TMC7: variants seen among roughly 807,000 people sequenced by gnomAD.
The protein encoded by TMC7 is transmembrane channel-like protein 7.
A neutral mutation model predicts 82.9 loss-of-function variants in TMC7; 54 were observed. That is an observed-to-expected ratio of 0.65 (90% CI 0.52 to 0.82). The LOEUF is 0.82. Ranked by LOEUF, TMC7 falls within the 40% of genes least tolerant of loss-of-function variation. The pLI is 0.00. For missense variants in TMC7, 820 were observed against 901.2 expected (o/e 0.91, Z 1.15); for synonymous variants, 350 against 337.9 (o/e 1.04, Z -0.39).
At chr16:19,047,301 C>T (rs1404928161) in intron 12 of TMC7, 52 bp downstream of exon 12, 1 of 1,545,484 alleles carries the variant, frequency 6.5e-7, no homozygotes, top group East Asian at 2.2e-5. Flanking sequence ...TTTCGACCTT[C>T]CAGGGCACCA....
At position 19,056,675 on chromosome 16, in the gene TMC7, G is replaced by A; in HGVS notation, c.2005G>A (p.Val669Ile). The stretch of plus-strand genomic sequence containing the variant: ...TGGTGTCACATCCGAAGCCTTTGCA[G>A]TTCCTTTCTTCATGATTATTTGGTG... ...IHGVTSEAFA[V>I]PFFMIICLIM... The change falls in exon 14 of 16, where the codon GTT becomes ATT. Residue 669 changes from valine (V) to isoleucine (I), a missense_variant. By Grantham distance (29) the Val-to-Ile change is conservative (BLOSUM62 3). Around this residue, in one of 2 missense-constraint regions of TMC7, gnomAD observed 170 missense variants for 231.3 expected, o/e 0.74. Coordinates refer to ENST00000304381, the MANE Select transcript of TMC7 (RefSeq NM_024847.4). 6.2e-7 allele frequency: 1 copy of A among 1,614,020 alleles called. No individual in the cohort carries two copies.
chr16:19,044,972 C>G lies in TMC7; in HGVS notation c.1426C>G (p.Leu476Val). 1.2e-6 allele frequency: 2 copies of G among 1,613,940 alleles called. No homozygotes were observed. Among genetic ancestry groups the G allele is most frequent in the Non-Finnish European group, 1.7e-6 (2 of 1,179,984 alleles). The change falls in exon 10 of 16, where the codon CTT becomes GTT. Residue 476 changes from leucine (L) to valine (V), a missense_variant. This residue lies in a region of TMC7 where 650 missense variants were observed against 669.9 expected (regional missense o/e 0.97). Transcript: ENST00000304381. ...ITSCDDDTCD[L>V]CGYNQKLYPC... ...ATCCTGTGATGATGACACATGTGAC[C>G]TTTGCGGCTACAACCAGAAACTCTA...
chr16:19,038,318 C>T (rs1161667799), intron 8 of TMC7, among the ~76,000 whole-genome samples: 2 of 152,106 alleles, frequency 1.3e-5, no homozygotes, highest in Non-Finnish European at 2.9e-5. Flanking sequence ...GCCTCAGCCT[C>T]CCGAGTAGCT....
At chr16:18,985,527 T>A (rs1321804524) in intron 1 of TMC7, among the ~76,000 whole-genome samples, 1 of 152,170 alleles carries the variant, frequency 6.6e-6, no homozygotes, top group African/African-American at 2.4e-5. Flanking sequence ...CTTATTTTAG[T>A]GGAATCCATT....
intron 7 of TMC7, among the ~76,000 whole-genome samples, chr16:19,037,271 C>G (rs890476394): frequency 6.6e-6 from 1 of 150,952 alleles, no homozygotes; most frequent in Admixed American, 6.6e-5. Flanking sequence ...GCCTGTAATC[C>G]TAGCTTCTCG....
chr16:19,036,623 A>G (rs1447228771), intron 7 of TMC7, among the ~76,000 whole-genome samples: 1 of 152,124 alleles, frequency 6.6e-6, no homozygotes, highest in Non-Finnish European at 1.5e-5. Flanking sequence ...GTCTGAGGCA[A>G]GAGAATCAAT....
intron 1 of TMC7, among the ~76,000 whole-genome samples, chr16:18,987,547 C>T (rs899233466): frequency 3.4e-4 from 52 of 152,170 alleles, no homozygotes; most frequent in African/African-American, 1.2e-3. Flanking sequence ...ATCAAGTGAT[C>T]CGCCCACCTC....
Position 19,037,938 on chromosome 16 carries a change from G to A in TMC7, c.1070G>A (p.Arg357His), listed in dbSNP as rs767590084. The A allele has an allele frequency of 1.9e-5, 30 of 1,613,830 alleles. No homozygotes were observed. Among genetic ancestry groups the A allele is most frequent in the Admixed American group, 8.3e-5 (5 of 59,972 alleles). ...GAAAGGACCTCAGAAGAAACAATACGCATTTACTCTTTGAGACTGTTTTTG... is the reference window on the plus strand; with the variant it reads ...GAAAGGACCTCAGAAGAAACAATACACATTTACTCTTTGAGACTGTTTTTG... ...IAERTSEETI[R>H]IYSLRLFLNC... The change falls in exon 8 of 16, where the codon CGC becomes CAC. Residue 357 changes from arginine to histidine, a missense_variant. Arg to His is a conservative substitution (Grantham distance 29). Coordinates refer to ENST00000304381, the MANE Select transcript of TMC7 (RefSeq NM_024847.4).
In TMC7 at chr16:19,047,093, G is replaced by A; in HGVS notation, c.1584G>A (p.Lys528=). Residue 528 remains lysine (K), a synonymous_variant, in exon 12 of 16, where the codon AAG becomes AAA. Coordinates refer to ENST00000304381, the MANE Select transcript of TMC7 (RefSeq NM_024847.4). ...TGGTGACCTACTGTTCCTCTTGCAA[G>A]CTGATTCAGTGCTGGGGGCAGCAGG... ...KLLVTYCSSC[K]LIQCWGQQEF... 1 of 1,612,676 alleles carries A rather than the reference G, an allele frequency of 6.2e-7. No homozygotes were observed. The highest frequency in any genetic ancestry group is 8.5e-7 in the Non-Finnish European group (1 of 1,179,504).
chr16:19,001,545 A>G (rs1384397260), intron 1 of TMC7, among the ~76,000 whole-genome samples: 2 of 152,088 alleles, frequency 1.3e-5, no homozygotes, highest in Non-Finnish European at 2.9e-5. Context: ...AACTGGGTGT[A>G]GTGGTGCACA....
chr16:19,016,476 A>G lies in TMC7; in HGVS notation c.338A>G (p.Tyr113Cys), dbSNP rs749741509. 34 of 1,614,056 alleles carry G rather than the reference A, an allele frequency of 2.1e-5. No individual in the cohort carries two copies. The highest frequency in any genetic ancestry group is 2.6e-5 in the Non-Finnish European group (31 of 1,180,036). The change falls in exon 3 of 16, where the codon TAT becomes TGT. Residue 113 changes from tyrosine to cysteine, a missense_variant. This residue lies in a region of TMC7 where 650 missense variants were observed against 669.9 expected (regional missense o/e 0.97). Coordinates refer to ENST00000304381, the MANE Select transcript of TMC7 (RefSeq NM_024847.4). ...GACATTCAAGAGACACAAATGAAGT[A>G]TCTCTCCGAATGGGACCAGTGGAAG... ...LRDIQETQMKYLSEWDQWKRY... is the reference protein window; with the variant it reads ...LRDIQETQMKCLSEWDQWKRY...
intron 2 of TMC7, chr16:19,012,162 C>G (rs1959397385): frequency 6.6e-6 from 1 of 150,936 alleles, no homozygotes; most frequent in Admixed American, 6.6e-5. Context: ...TTTTAGTGCT[C>G]CCTTTGGCAG....
At chr16:19,055,427 G>A (rs1229346531) in intron 13 of TMC7, among the ~76,000 whole-genome samples, 8 of 151,956 alleles carry the variant, frequency 5.3e-5, no homozygotes, top group Non-Finnish European at 1.0e-4. Flanking sequence ...GCCCGATCTC[G>A]GCTCACTGCA....
chr16:19,007,207 G>T (rs2039255990), intron 1 of TMC7, among the ~76,000 whole-genome samples: 1 of 152,078 alleles, frequency 6.6e-6, no homozygotes, highest in Admixed American at 6.6e-5. Context: ...AGGCTTAGGG[G>T]CTCTTCCTCT....
At chr16:19,045,297 C>T (rs925113422) in intron 10 of TMC7, 44 bp from the exon 11 acceptor site, 1 of 1,524,740 alleles carries the variant, frequency 6.6e-7, no homozygotes, top group South Asian at 1.1e-5. Context: ...TTTTCTCTGC[C>T]TCAGCTAGGG....
chr16:19,062,314 T>G lies in TMC7; in HGVS notation c.*471T>G, dbSNP rs886996751. ...GTTGTTTTCCTGTGCTTACAATTTT[T>G]AATGCATGTGCCTTTATTTCACAAA... is the stretch of plus-strand genomic sequence containing the variant. On this transcript the variant is annotated 3_prime_UTR_variant, in exon 16 of 16. Coordinates refer to ENST00000304381, the MANE Select transcript of TMC7 (RefSeq NM_024847.4). 2 of 153,552 alleles carry G rather than the reference T, an allele frequency of 1.3e-5. No individual in the cohort carries two copies. The highest frequency in any genetic ancestry group is 4.8e-5 in the African/African-American group (2 of 41,524). The allele number at this position is 153,552 out of a possible 1,614,324, so 9.5% of individuals were successfully genotyped here. A position where few individuals can be genotyped will look rare whatever the true frequency, so the allele number is the denominator to read the frequency against.
Position 19,047,077 on chromosome 16 carries a change from A to C in TMC7, c.1568A>C (p.Tyr523Ser), listed in dbSNP as rs1283416067. 1 of 1,610,702 alleles carries C rather than the reference A, an allele frequency of 6.2e-7. No homozygotes were observed. ...VDFPRKLLVT[Y>S]CSSCKLIQCW... Reference sequence around the variant, plus strand: ...TCTGTTTCCAGGCTCCTGGTGACCTACTGTTCCTCTTGCAAGCTGATTCAG... The same window carrying C: ...TCTGTTTCCAGGCTCCTGGTGACCTCCTGTTCCTCTTGCAAGCTGATTCAG... The change falls in exon 12 of 16, where the codon TAC (tyrosine) becomes TCC (serine). Residue 523 changes from tyrosine (Y) to serine (S), a missense_variant. Tyr to Ser is a moderately radical substitution (Grantham distance 144). Coordinates refer to ENST00000304381, the MANE Select transcript of TMC7 (RefSeq NM_024847.4).
chr16:19,049,615 A>G (rs1219549021), intron 12 of TMC7: 3 of 985,224 alleles, frequency 3.0e-6, no homozygotes, highest in Non-Finnish European at 3.6e-6. Flanking sequence ...TCCAGGAAAT[A>G]CTGATTAGCC....
At chr16:19,041,295 T>G (rs552373234) in intron 9 of TMC7, among the ~76,000 whole-genome samples, 1 of 152,292 alleles carries the variant, frequency 6.6e-6, no homozygotes, top group South Asian at 2.1e-4. Context: ...TTTCCATCCA[T>G]TCCCTCCTAA....
Sources: allele counts gnomAD v4.1 joint callset (sites outside exome capture counted in the v4.1 genomes callset), GRCh38; gene constraint gnomAD v4.1.1; regional missense constraint gnomAD v4.1.1; transcripts MANE v1.5; gene names NCBI Gene and HGNC (gene_info 2026-07-23, HGNC 2026-07-21).